Variants in D2HGDH observed in about 807,000 individuals in gnomAD.
D2HGDH encodes D-2-hydroxyglutarate dehydrogenase, mitochondrial.
A neutral mutation model predicts 46.9 loss-of-function variants in D2HGDH; 31 were observed. The observed-to-expected ratio is 0.66, with a 90% CI of 0.50 to 0.89. The LOEUF (loss-of-function observed/expected upper bound fraction) is 0.89, where lower values mean the gene tolerates loss of function less well. Among genes scored for constraint, D2HGDH ranks in the 40% least tolerant of loss-of-function variants. The probability of loss-of-function intolerance (pLI) is 0.00; values close to 1 mark genes in which losing one functional copy is unlikely to be tolerated. For synonymous variants in D2HGDH, 364 were observed against 332.6 expected (o/e 1.09, Z -1.03); for missense variants, 698 against 720.8 (o/e 0.97, Z 0.36).
intron 9 of D2HGDH, among the ~76,000 whole-genome samples, chr2:241,760,553 A>G (rs1195702434): frequency 2.7e-5 from 3 of 110,050 alleles, no homozygotes; most frequent in African/African-American, 7.1e-5. Flanking sequence ...AAGGCCTTTG[A>G]CACAGCGTGG....
intron 7 of D2HGDH, 71 bp from the exon 8 acceptor site, chr2:241,751,175 C>T: frequency 2.5e-6 from 4 of 1,606,306 alleles, no homozygotes; most frequent in South Asian, 1.1e-5. Context: ...AGCTGTTCTG[C>T]CCGAGCAGCC....
intron 8 of D2HGDH, chr2:241,755,496 C>CGTCATGGCTGTCCCCCTTCT (rs1698028892): frequency 7.5e-7 from 1 of 1,339,408 alleles, no homozygotes. Flanking sequence ...CTCCCCCTTC[C>CGTCATGGCTGTCCCCCTTCT]GTCATGGCTG....
chr2:241,747,213 C>T lies in D2HGDH; in HGVS notation c.853+2336C>T, dbSNP rs918079515. 4.6e-5 allele frequency among the ~76,000 whole-genome samples: 7 copies of T among 152,202 alleles called. No homozygotes were observed. The South Asian group carries it at 1.2e-3, about 27-fold the overall frequency. On this transcript the variant is annotated intron_variant, in intron 6 of 9. Transcript: ENST00000321264. ...GGGGGTTATAGGTGTGAGCCTGAGC[C>T]GCTGCACCCAGCCTGTGTGGTCTGT...
intron 6 of D2HGDH, among the ~76,000 whole-genome samples, chr2:241,747,505 C>T (rs1233057968): frequency 6.7e-6 from 1 of 149,874 alleles, no homozygotes. Context: ...CAGTGTAGGG[C>T]TGTGTCGGGC....
At chr2:241,737,049 AG>A (rs981157981) in intron 2 of D2HGDH, among the ~76,000 whole-genome samples, 10 of 150,874 alleles carry the variant, frequency 6.6e-5, no homozygotes, top group Non-Finnish European at 1.2e-4. Flanking sequence ...GCTTACTGCA[AG>A]CTCCGCCTCC....
intron 6 of D2HGDH, chr2:241,749,413 C>G (rs1179074045): frequency 4.0e-6 from 5 of 1,238,950 alleles, no homozygotes; most frequent in Non-Finnish European, 5.2e-6. Context: ...GGCACGGGCC[C>G]CCTCCTGCTG....
intron 2 of D2HGDH, among the ~76,000 whole-genome samples, chr2:241,739,226 T>C (rs1485125983): frequency 6.6e-6 from 1 of 152,198 alleles, no homozygotes; most frequent in Non-Finnish European, 1.5e-5. Flanking sequence ...CTGTGCTCAT[T>C]CTGTGTCTGG....
At position 241,752,533 on chromosome 2, in the gene D2HGDH, C is replaced by A. The variant is rs562638410; in HGVS notation, c.1140+1145C>A. On this transcript the variant is annotated intron_variant, in intron 8 of 9. Coordinates refer to ENST00000321264, the MANE Select transcript of D2HGDH (RefSeq NM_152783.5). ...CCCTCGCGTTCCGTGTGGGTGATCGCTGTGGCTGCATGTGCTCCTGTGGCT... is the reference window on the plus strand; with the variant it reads ...CCCTCGCGTTCCGTGTGGGTGATCGATGTGGCTGCATGTGCTCCTGTGGCT... Among the ~76,000 whole-genome samples the A allele has an allele frequency of 4.5e-4, 69 of 152,240 alleles. 1 individual carries two copies. The highest frequency in any genetic ancestry group is 1.5e-3 in the South Asian group (7 of 4,816).
chr2:241,748,143 C>A (rs1696366804), intron 6 of D2HGDH, among the ~76,000 whole-genome samples: 1 of 116,912 alleles, frequency 8.6e-6, no homozygotes, highest in African/African-American at 3.8e-5. Flanking sequence ...GTTTTTGAGA[C>A]AGAGTCTCAC....
chr2:241,739,108 GC>G (rs1410312483), intron 2 of D2HGDH, among the ~76,000 whole-genome samples: 1 of 152,224 alleles, frequency 6.6e-6, no homozygotes, highest in African/African-American at 2.4e-5. Flanking sequence ...TGCCCCCATG[GC>G]CCCCTCCGTC....
At chr2:241,752,704 G>A (rs1002824530) in intron 8 of D2HGDH, among the ~76,000 whole-genome samples, 7 of 151,872 alleles carry the variant, frequency 4.6e-5, no homozygotes, top group Non-Finnish European at 7.4e-5. Flanking sequence ...TGGTGGTGCG[G>A]GTGGGGACCC....
rs548885705 is a variant in D2HGDH, at chr2:241,756,889, G to C, written c.1306+875G>C. ...AAAGGCCAGCTTATAGGGCAGGGGT[G>C]GGGGCAGTGCTGGGGGTGTGGAGCA... On this transcript the variant is annotated intron_variant, in intron 9 of 9. Coordinates refer to ENST00000321264, the MANE Select transcript of D2HGDH (RefSeq NM_152783.5). 2.0e-5 allele frequency among the ~76,000 whole-genome samples: 3 copies of C among 152,248 alleles called. No individual in the cohort carries two copies. In the East Asian group the frequency reaches 5.8e-4, roughly 29 times the overall value.
In D2HGDH at chr2:241,756,089, C is replaced by G. The variant is rs543124132; in HGVS notation, c.1306+75C>G. The G allele has an allele frequency of 2.9e-4, 431 of 1,506,240 alleles. 3 individuals are homozygous for G. The African/African-American group carries it at 5.4e-3, about 19-fold the overall frequency. 93.3% of individuals were successfully genotyped at this position (1,506,240 alleles called of 1,614,324 possible). A position where few individuals can be genotyped will look rare whatever the true frequency, so the allele number is the denominator to read the frequency against. ...CCACGGTCACCGTCACCCTGCCAGG[C>G]TTCGAGGCAGGGCAGTTTGACCATG... On this transcript the variant is annotated intron_variant, in intron 9 of 9. Coordinates refer to ENST00000321264, the MANE Select transcript of D2HGDH (RefSeq NM_152783.5).
In D2HGDH at chr2:241,743,699, C is replaced by T. The variant is rs1215713293; in HGVS notation, c.568C>T (p.Leu190=). 2 of 1,614,010 alleles carry T rather than the reference C, an allele frequency of 1.2e-6. No individual in the cohort carries two copies. The highest frequency in any genetic ancestry group is 1.7e-6 in the Non-Finnish European group (2 of 1,179,986). ...YVEERDFIMP[L]DLGAKGSCHI... is the part of the protein sequence containing the mutation. ...GGAGGAACGGGACTTCATCATGCCG[C>T]TGGACTTAGGAGCCAAGGGCAGCTG... Residue 190 remains leucine, a synonymous_variant, in exon 5 of 10, where the codon CTG becomes TTG. Coordinates refer to ENST00000321264, the MANE Select transcript of D2HGDH (RefSeq NM_152783.5). This position sits in a 1 kb window ranked among gnomAD's most constrained non-coding sequence, Gnocchi z 4.8.
rs764644757 is a variant in D2HGDH, at chr2:241,750,314, G to C, written c.997+20G>C. ...TGCAAGGTACTGACCCCCCACACAGGGGGCAGCTGGTCCTGCAGCTCCTTC... is the reference window on the plus strand; with the variant it reads ...TGCAAGGTACTGACCCCCCACACAGCGGGCAGCTGGTCCTGCAGCTCCTTC... On this transcript the variant is annotated intron_variant, in intron 7 of 9. Transcript: ENST00000321264. 1.4e-5 allele frequency: 23 copies of C among 1,609,848 alleles called. No individual in the cohort carries two copies. The South Asian group carries it at 2.2e-4, about 15-fold the overall frequency.
At chr2:241,744,547 G>A (rs1187053446) in intron 5 of D2HGDH, among the ~76,000 whole-genome samples, 162 bp from the exon 6 acceptor site, 1 of 152,240 alleles carries the variant, frequency 6.6e-6, no homozygotes, top group Non-Finnish European at 1.5e-5. Context: ...TGGGCAGTGA[G>A]CTGCTGTGTG....
At chr2:241,767,651 G>A in intron 9 of D2HGDH, 59 bp from the exon 10 acceptor site, 1 of 1,609,042 alleles carries the variant, frequency 6.2e-7, no homozygotes, top group African/African-American at 1.3e-5. Flanking sequence ...TGTTGGGGGA[G>A]GAGTGGGGTC....
intron 6 of D2HGDH, chr2:241,749,238 C>A: frequency 8.5e-7 from 1 of 1,174,920 alleles, no homozygotes; most frequent in Non-Finnish European, 1.1e-6. Flanking sequence ...CGTCTGCAGC[C>A]ACACCCCGAC....
At chr2:241,738,720 C>A (rs1693609553) in intron 2 of D2HGDH, among the ~76,000 whole-genome samples, 1 of 152,206 alleles carries the variant, frequency 6.6e-6, no homozygotes, top group African/African-American at 2.4e-5. Flanking sequence ...TGCTGCAGGG[C>A]CGCCCCTCGG....
Sources: allele counts gnomAD v4.1 joint callset (sites outside exome capture counted in the v4.1 genomes callset), GRCh38; gene constraint gnomAD v4.1.1; non-coding constraint Gnocchi (gnomAD v3.1); transcripts MANE v1.5; gene names NCBI Gene and HGNC (gene_info 2026-07-23, HGNC 2026-07-21).